The following ZNF534 variants were observed in gnomAD, a reference collection of about 807,000 sequenced individuals.
The protein encoded by ZNF534 is zinc finger protein 534.
A neutral mutation model predicts 13.6 loss-of-function variants in ZNF534; 19 were observed. The ratio of observed to expected loss-of-function variants is 1.40; its 90% confidence interval spans 0.97 to 2.05. The LOEUF (loss-of-function observed/expected upper bound fraction) is 2.05, where lower values mean the gene tolerates loss of function less well. ZNF534 is among the 30% of genes most tolerant of loss of function. ZNF534 has a pLI of 0.00. For missense variants in ZNF534, 782 were observed against 796.3 expected (o/e 0.98, Z 0.22); for synonymous variants, 244 against 273.8 (o/e 0.89, Z 1.07).
chr19:52,447,319 G>A (rs976693863), downstream of ZNF534, among the ~76,000 whole-genome samples: 21 of 152,254 alleles, frequency 1.4e-4, no homozygotes, highest in Middle Eastern at 3.4e-3. Context: ...TTCTGTTAAT[G>A]GCTATACTAT....
Position 52,439,306 on chromosome 19 carries a change from A to C in ZNF534, c.1846A>C (p.Ser616Arg), listed in dbSNP as rs2031041781. 5.8e-6 allele frequency: 9 copies of C among 1,558,852 alleles called. No individual in the cohort carries two copies. The Middle Eastern group carries it at 8.3e-4, about 144-fold the overall frequency. Residue 616 changes from serine (S) to arginine (R), a missense_variant, in exon 5 of 5, where the codon AGT (serine) becomes CGT (arginine). Physicochemically the swap from Ser to Arg is moderately radical, Grantham distance 110 (BLOSUM62 -1). Transcript: ENST00000433050. Reference sequence around the variant, plus strand: ...ATGTAATGAATGTAGCAAGGTCTTCAGTCGGAATTCACGCCTTGCACAACA... The same window carrying C: ...ATGTAATGAATGTAGCAAGGTCTTCCGTCGGAATTCACGCCTTGCACAACA... ...YKCNECSKVF[S>R]RNSRLAQHRN...
At chr19:52,447,826 G>T in intron 4 of ZNF534, among the ~76,000 whole-genome samples, 1 of 150,676 alleles carries the variant, frequency 6.6e-6, no homozygotes, top group Non-Finnish European at 1.5e-5. Context: ...GATTTCTATT[G>T]CTAATATTTT....
chr19:52,439,579 T>C lies in ZNF534; in HGVS notation c.*133T>C. 1 of 575,114 alleles carries C rather than the reference T, an allele frequency of 1.7e-6. No individual in the cohort carries two copies. The highest frequency in any genetic ancestry group is 2.4e-6 in the Non-Finnish European group (1 of 419,244). The allele number at this position is 575,114 out of a possible 1,614,324, so 35.6% of individuals were successfully genotyped here. Reference sequence around the variant, plus strand: ...TAACACGGTGAAACCCCATCTCTACTAAAAATACAAAAAAAAAAAAAAAAA... The same window carrying C: ...TAACACGGTGAAACCCCATCTCTACCAAAAATACAAAAAAAAAAAAAAAAA... On this transcript the variant is annotated 3_prime_UTR_variant, in exon 5 of 5. Transcript: ENST00000433050.
chr19:52,452,253 A>G (rs2059220745), exon 5 of ZNF534: 1 of 152,174 alleles, frequency 6.6e-6, no homozygotes, highest in African/African-American at 2.4e-5. Context: ...ATCCTGTATT[A>G]TTTAACTCAA....
exon 5 of ZNF534, chr19:52,451,422 G>C: frequency 1.4e-6 from 1 of 710,766 alleles, no homozygotes. Flanking sequence ...CCGCCCCTCG[G>C]CCGCGCAGTG....
intron 4 of ZNF534, among the ~76,000 whole-genome samples, chr19:52,450,670 GTTTT>G (rs796423133): frequency 2.6e-5 from 1 of 37,768 alleles, no homozygotes; most frequent in South Asian, 8.9e-4. Context: ...AATTTTAGGA[GTTTT>G]TTTTTTTTTT....
downstream of ZNF534, among the ~76,000 whole-genome samples, chr19:52,446,546 T>G (rs909243825): frequency 3.7e-5 from 2 of 54,070 alleles, no homozygotes; most frequent in African/African-American, 1.2e-4. Context: ...TACCATAAAG[T>G]GAGTGCTTTA....
rs746423150 is a variant in ZNF534 at position 52,437,717 on chromosome 19, T to C, written c.272-15T>C. On this transcript the variant is annotated splice_polypyrimidine_tract_variant and intron_variant, in intron 4 of 4. Coordinates refer to ENST00000433050, the MANE Select transcript of ZNF534 (RefSeq NM_001143938.3). ...AGAATCGGGATTAAGTTCTAAAATT[T>C]TCTTGCTTTTCTAGAGAAGAGTTCT... is the stretch of plus-strand genomic sequence containing the variant. 17 of 1,539,178 alleles carry C rather than the reference T, an allele frequency of 1.1e-5. No homozygotes were observed. Among genetic ancestry groups the C allele is most frequent in the Non-Finnish European group, 1.5e-5 (17 of 1,146,888 alleles).
chr19:52,436,067 G>C (rs1190968967), intron 4 of ZNF534, among the ~76,000 whole-genome samples: 1 of 151,136 alleles, frequency 6.6e-6, no homozygotes, highest in Non-Finnish European at 1.5e-5. Context: ...CTCCCAAGTA[G>C]CTGGGACTAC....
intron 4 of ZNF534, 117 bp from the exon 5 acceptor site, chr19:52,437,615 A>G: frequency 9.0e-7 from 1 of 1,105,692 alleles, no homozygotes; most frequent in Non-Finnish European, 1.3e-6. Context: ...TCTCAATAAA[A>G]ACAAAGTATG....
intron 4 of ZNF534, among the ~76,000 whole-genome samples, chr19:52,435,933 C>CTTTTTTTTTTTTTTTTTTTTTTTTTTTTT (rs1289517628): frequency 5.7e-5 from 1 of 17,522 alleles, no homozygotes; most frequent in African/African-American, 7.2e-5. Flanking sequence ...TATTTTTCTT[C>CTTTTTTTTTTTTTTTTTTTTTTTTTTTTT]TTCTTCTTTT....
intron 3 of ZNF534, 161 bp downstream of exon 3, chr19:52,434,242 T>C (rs2059113215): frequency 1.9e-6 from 2 of 1,047,300 alleles, no homozygotes; most frequent in African/African-American, 1.6e-5. Context: ...ACGCCTGTAA[T>C]CCCAGCACTT....
intron 4 of ZNF534, among the ~76,000 whole-genome samples, chr19:52,448,517 T>C (rs561942976): frequency 1.6e-4 from 25 of 152,320 alleles, no homozygotes; most frequent in African/African-American, 6.0e-4. Flanking sequence ...TGAGCTATGA[T>C]TGTGCCACTG....
In ZNF534 at chr19:52,441,232, A is replaced by G. The variant is rs1194362641; in HGVS notation, c.*1786A>G. 6.6e-6 allele frequency among the ~76,000 whole-genome samples: 1 copy of G among 151,862 alleles called. No homozygotes were observed. Among genetic ancestry groups the G allele is most frequent in the Non-Finnish European group, 1.5e-5 (1 of 67,974 alleles). ...GAAATCATATGAATATATGGAATGT[A>G]CTCCAGGCATGGTGGCTCACACCTA... On this transcript the variant is annotated 3_prime_UTR_variant, in exon 5 of 5. Transcript: ENST00000433050.
At chr19:52,443,685 G>T (rs765257475), downstream of ZNF534, among the ~76,000 whole-genome samples, 32 of 152,062 alleles carry the variant, frequency 2.1e-4, no homozygotes, top group Non-Finnish European at 3.8e-4. Context: ...GGGAGGCAGA[G>T]GTTGCAGTGA....
chr19:52,441,465 T>C lies in ZNF534; in HGVS notation c.*2019T>C, dbSNP rs2059172160. On this transcript the variant is annotated 3_prime_UTR_variant, in exon 5 of 5. Transcript: ENST00000433050. ...AGGAGCTTGAGGCTGCAGTGAGTCA[T>C]GTTTGCAGTACTGCACTCCAGCCTG... 6.6e-6 allele frequency among the ~76,000 whole-genome samples: 1 copy of C among 152,150 alleles called. No individual in the cohort carries two copies. Among genetic ancestry groups the C allele is most frequent in the African/African-American group, 2.4e-5 (1 of 41,414 alleles).
At chr19:52,446,747 A>G (rs1431676495), downstream of ZNF534, among the ~76,000 whole-genome samples, 1 of 152,180 alleles carries the variant, frequency 6.6e-6, no homozygotes, top group African/African-American at 2.4e-5. Flanking sequence ...TGTCTCAGCT[A>G]TTCAGGTGGC....
At chr19:52,435,882 T>A (rs1228219696) in intron 4 of ZNF534, among the ~76,000 whole-genome samples, 2 of 151,988 alleles carry the variant, frequency 1.3e-5, no homozygotes, top group Non-Finnish European at 2.9e-5. Context: ...TTTTTGTAGA[T>A]GAGTTTTACT....
At position 52,437,842 on chromosome 19, in the gene ZNF534, AAT is replaced by A. The variant is rs1568444256; in HGVS notation, c.385_386del (p.Ile129LeufsTer4). The A allele has an allele frequency of 6.2e-7, 1 of 1,613,826 alleles. No individual in the cohort carries two copies. Among genetic ancestry groups the A allele is most frequent in the Non-Finnish European group, 8.5e-7 (1 of 1,179,816 alleles). On this transcript the variant is annotated frameshift_variant, in exon 5 of 5. Transcript: ENST00000433050. LOFTEE classifies it low-confidence loss of function (END_TRUNC). ...ATGGCAGCCATTTCAAGCTGTAAGG[AAT>A]ATTTATGGATGTAAGCATGTTGAGA... ...TEWQPFQAVR[N>X]IYGCKHVEKS...
Sources: gnomAD v4.1 joint callset for allele counts (sites outside exome capture counted in the v4.1 genomes callset) on GRCh38, gnomAD v4.1.1 for gene constraint, MANE v1.5 for transcripts, NCBI Gene and HGNC (gene_info 2026-07-23, HGNC 2026-07-21) for gene names.